The following PALS2 variants were observed in gnomAD, a reference collection of about 807,000 sequenced individuals.
PALS2 encodes the protein protein associated with LIN7 2, MAGUK p55 family member.
Under a neutral mutation model 61.6 loss-of-function variants are expected in PALS2, and 27 were observed. The observed-to-expected ratio is 0.44, with a 90% CI of 0.32 to 0.60. The LOEUF (loss-of-function observed/expected upper bound fraction) is 0.60, where lower values mean the gene tolerates loss of function less well. Ranked by LOEUF, PALS2 falls within the 20% of genes least tolerant of loss-of-function variation. The pLI is 0.05. For synonymous variants in PALS2, 236 were observed against 218.6 expected, an observed-to-expected ratio of 1.08 and a Z score of -0.70; for missense variants, 554 against 639.4, an observed-to-expected ratio of 0.87 and a Z score of 1.44.
chr7:24,681,525 ATTT>A (rs780176633), intron 11 of PALS2, among the ~76,000 whole-genome samples: 6 of 138,532 alleles, frequency 4.3e-5, no homozygotes, highest in Non-Finnish European at 3.1e-5. Context: ...TTTCTCCAAG[ATTT>A]TTTTTTTTTT....
At chr7:24,621,507 T>C (rs1229493330) in intron 1 of PALS2, among the ~76,000 whole-genome samples, 1 of 152,028 alleles carries the variant, frequency 6.6e-6, no homozygotes, top group African/African-American at 2.4e-5. Flanking sequence ...AAGTAAAAGC[T>C]GAAACCTCTA....
chr7:24,689,866 G>A lies in PALS2; in HGVS notation c.*2252G>A, dbSNP rs994576175. On this transcript the variant is annotated 3_prime_UTR_variant, in exon 12 of 12. Transcript: ENST00000222644. ...CAGGAAATGTGCTGTATTCTCTAATGTACTTTCATGCTGCAGCATGGAGCC... is the reference window on the plus strand; with the variant it reads ...CAGGAAATGTGCTGTATTCTCTAATATACTTTCATGCTGCAGCATGGAGCC... The A allele has an allele frequency of 1.3e-5, 2 of 152,106 alleles. No homozygotes were observed. Among genetic ancestry groups the A allele is most frequent in the African/African-American group, 4.8e-5 (2 of 41,424 alleles). 9.4% of individuals were successfully genotyped at this position (152,106 alleles called of 1,614,324 possible).
At chr7:24,615,319 A>G (rs1038614031) in intron 1 of PALS2, among the ~76,000 whole-genome samples, 1 of 151,934 alleles carries the variant, frequency 6.6e-6, no homozygotes, top group Non-Finnish European at 1.5e-5. Context: ...AAATAATACA[A>G]AGTCAACAAA....
At chr7:24,603,361 G>A (rs781619552) in intron 1 of PALS2, among the ~76,000 whole-genome samples, 16 of 152,200 alleles carry the variant, frequency 1.1e-4, no homozygotes, top group Non-Finnish European at 2.2e-4. Flanking sequence ...GTGAAAAGTG[G>A]TGGATTTGGT....
chr7:24,578,922 T>A (rs1009084469), intron 1 of PALS2, among the ~76,000 whole-genome samples: 2 of 152,220 alleles, frequency 1.3e-5, no homozygotes, highest in Non-Finnish European at 2.9e-5. Context: ...AAATGTGATA[T>A]CTTTCATGGG....
chr7:24,574,090 C>G (rs949778069), intron 1 of PALS2: 2 of 152,222 alleles, frequency 1.3e-5, no homozygotes, highest in Non-Finnish European at 2.9e-5. Context: ...GGGTCTGTCC[C>G]GAGAGGGGGT....
chr7:24,616,400 C>G (rs916053213), intron 1 of PALS2, among the ~76,000 whole-genome samples: 7 of 152,024 alleles, frequency 4.6e-5, no homozygotes, highest in Non-Finnish European at 8.8e-5. Context: ...TATATACAAA[C>G]AACACACATT....
chr7:24,662,760 C>T (rs1292027289), intron 5 of PALS2, among the ~76,000 whole-genome samples: 1 of 116,288 alleles, frequency 8.6e-6, no homozygotes, highest in Admixed American at 1.1e-4. Context: ...AAGAGTGAGA[C>T]TCCATCTGAA....
intron 1 of PALS2, chr7:24,597,238 A>G (rs1783557745): frequency 6.6e-6 from 1 of 152,204 alleles, no homozygotes; most frequent in African/African-American, 2.4e-5. Flanking sequence ...TATAGAAACT[A>G]GATGAAGCCT....
intron 1 of PALS2, among the ~76,000 whole-genome samples, chr7:24,601,205 T>C (rs1783709277): frequency 6.6e-6 from 1 of 152,188 alleles, no homozygotes; most frequent in African/African-American, 2.4e-5. Flanking sequence ...CCCTCAGTTC[T>C]TTCACCCTAA....
chr7:24,640,732 A>T (rs112396202), intron 2 of PALS2, among the ~76,000 whole-genome samples: 3,662 of 151,670 alleles, frequency 0.024, 172 homozygotes, highest in African/African-American at 0.084. Flanking sequence ...CTTTCGGCCG[A>T]GGGCGGTGGC....
chr7:24,608,899 C>A (rs145083443), intron 1 of PALS2, among the ~76,000 whole-genome samples: 47 of 152,292 alleles, frequency 3.1e-4, no homozygotes, highest in African/African-American at 1.1e-3. Context: ...AGGTGTGAGG[C>A]AGCATGGCCA....
intron 6 of PALS2, among the ~76,000 whole-genome samples, chr7:24,664,869 C>G (rs1007137382): frequency 2.6e-5 from 4 of 151,866 alleles, no homozygotes; most frequent in Admixed American, 6.6e-5. Context: ...TAACCTGTCA[C>G]CATTCTCTCA....
chr7:24,683,811 T>A (rs1465907531), intron 11 of PALS2, among the ~76,000 whole-genome samples: 2 of 152,242 alleles, frequency 1.3e-5, no homozygotes, highest in African/African-American at 4.8e-5. Context: ...ATGAATTTAT[T>A]CTGATATTTT....
chr7:24,602,098 C>T (rs1783740031), intron 1 of PALS2, among the ~76,000 whole-genome samples: 5 of 152,042 alleles, frequency 3.3e-5, no homozygotes, highest in African/African-American at 1.2e-4. Flanking sequence ...TTTTTCTACT[C>T]CTGTGCTTTT....
At chr7:24,671,925 A>T (rs1424783141) in intron 9 of PALS2, among the ~76,000 whole-genome samples, 1 of 151,670 alleles carries the variant, frequency 6.6e-6, no homozygotes, top group East Asian at 2.0e-4. Flanking sequence ...CCAGTCCCAC[A>T]TTGTCTCGAT....
At chr7:24,675,276 T>C (rs1243664136) in intron 9 of PALS2, among the ~76,000 whole-genome samples, 1 of 152,180 alleles carries the variant, frequency 6.6e-6, no homozygotes. Context: ...AAAACATTAA[T>C]TTTTAAAATT....
At chr7:24,648,449 C>T (rs1785959037) in intron 3 of PALS2, among the ~76,000 whole-genome samples, 18 of 151,538 alleles carry the variant, frequency 1.2e-4, no homozygotes, top group Admixed American at 1.2e-3. Flanking sequence ...CACACCACCA[C>T]GCCCAGCTAA....
chr7:24,657,538 G>A (rs1369946362), intron 5 of PALS2, among the ~76,000 whole-genome samples: 2 of 152,018 alleles, frequency 1.3e-5, no homozygotes, highest in Non-Finnish European at 2.9e-5. Context: ...CAAATATTTT[G>A]TCCATTTTTT....
Sources: allele counts gnomAD v4.1 joint callset (sites outside exome capture counted in the v4.1 genomes callset), GRCh38; gene constraint gnomAD v4.1.1; transcripts MANE v1.5; gene names NCBI Gene and HGNC (gene_info 2026-07-23, HGNC 2026-07-21).